Variants in ZNF700 observed in about 807,000 individuals in gnomAD.
ZNF700 encodes zinc finger protein 700.
ZNF700 carries 38 observed loss-of-function variants against 65.3 expected under a neutral mutation model. The ratio of observed to expected loss-of-function variants is 0.58; its 90% CI spans 0.45 to 0.76. ZNF700 has a LOEUF of 0.76. ZNF700 is among the 30% of genes least tolerant of loss of function. The probability of loss-of-function intolerance (pLI) is 0.00; values close to 1 mark genes in which losing one functional copy is unlikely to be tolerated. For synonymous variants in ZNF700, 285 were observed against 290.4 expected, an observed-to-expected ratio of 0.98 and a Z score of 0.19; for missense variants, 857 against 888.4, an observed-to-expected ratio of 0.96 and a Z score of 0.45.
intron 1 of ZNF700, among the ~76,000 whole-genome samples, chr19:11,936,418 T>G (rs925487576): frequency 6.6e-6 from 1 of 152,236 alleles, no homozygotes; most frequent in Non-Finnish European, 1.5e-5. Flanking sequence ...TGGTTTTGAT[T>G]TGCATTTCTC....
At position 11,950,713 on chromosome 19, in the gene ZNF700, T is replaced by G; in HGVS notation, c.*460T>G. 4.7e-6 allele frequency: 1 copy of G among 211,132 alleles called. No individual in the cohort carries two copies. Among genetic ancestry groups the G allele is most frequent in the South Asian group, 6.9e-5 (1 of 14,490 alleles). The allele number at this position is 211,132 out of a possible 1,614,324, so 13.1% of individuals were successfully genotyped here. On this transcript the variant is annotated 3_prime_UTR_variant, in exon 4 of 4. Coordinates refer to ENST00000254321, the MANE Select transcript of ZNF700 (RefSeq NM_144566.3). ...TATCATAAGTATACTAACATGTTAT[T>G]CTTTTTAAATAAGAAGGTATAATAA...
At chr19:11,933,251 CAA>C (rs371220138) in intron 1 of ZNF700, among the ~76,000 whole-genome samples, 5 of 121,186 alleles carry the variant, frequency 4.1e-5, no homozygotes, top group African/African-American at 3.4e-5. Flanking sequence ...GGCCCTGTTT[CAA>C]AAAAAAAAAA....
At chr19:11,938,737 A>G (rs1599286435) in intron 1 of ZNF700, among the ~76,000 whole-genome samples, 2 of 152,344 alleles carry the variant, frequency 1.3e-5, no homozygotes, top group East Asian at 3.9e-4. Context: ...TTGGGTATAT[A>G]CCCAGTAGTG....
chr19:11,943,829 C>A (rs1204761662), intron 1 of ZNF700, among the ~76,000 whole-genome samples: 1 of 152,194 alleles, frequency 6.6e-6, no homozygotes, highest in East Asian at 1.9e-4. Context: ...GAATAAGTCC[C>A]ATGATGAGTT....
At chr19:11,926,370 G>A (rs1972627883) in intron 1 of ZNF700, among the ~76,000 whole-genome samples, 1 of 152,062 alleles carries the variant, frequency 6.6e-6, no homozygotes, top group Non-Finnish European at 1.5e-5. Flanking sequence ...GCCAAGAGCC[G>A]GTCACTTCAC....
Position 11,933,584 on chromosome 19 carries a change from G to A in ZNF700, c.63+8311G>A, listed in dbSNP as rs148885411. On this transcript the variant is annotated intron_variant, in intron 1 of 3. Coordinates refer to ENST00000254321, the MANE Select transcript of ZNF700 (RefSeq NM_144566.3). ...CAACAAATGATAATGTTCCTGCCTCGGTTTTGCATTTTCCAGAATATTAAA... is the reference window on the plus strand; with the variant it reads ...CAACAAATGATAATGTTCCTGCCTCAGTTTTGCATTTTCCAGAATATTAAA... Among the ~76,000 whole-genome samples, 97 of 147,782 alleles carry A rather than the reference G, an allele frequency of 6.6e-4. 17 individuals are homozygous for A. Among genetic ancestry groups the A allele is most frequent in the African/African-American group, 2.3e-3 (87 of 37,662 alleles).
intron 1 of ZNF700, among the ~76,000 whole-genome samples, chr19:11,935,254 TG>T (rs1291090805): frequency 9.0e-4 from 114 of 127,290 alleles, no homozygotes; most frequent in African/African-American, 4.1e-3. Flanking sequence ...TTTTTTTTTT[TG>T]AGACTGTGTC....
chr19:11,945,930 C>T (rs985343611), intron 1 of ZNF700, among the ~76,000 whole-genome samples: 2 of 151,964 alleles, frequency 1.3e-5, no homozygotes, highest in African/African-American at 2.4e-5. Context: ...CTTGTTTTGC[C>T]GAGACTCGTG....
intron 1 of ZNF700, chr19:11,946,940 A>G (rs1462664389): frequency 1.4e-6 from 1 of 713,470 alleles, no homozygotes; most frequent in Non-Finnish European, 2.0e-6. Context: ...GTGAGCCAAT[A>G]TCACGCCATT....
At chr19:11,926,117 T>TC (rs574767022) in intron 1 of ZNF700, among the ~76,000 whole-genome samples, 105 of 152,326 alleles carry the variant, frequency 6.9e-4, no homozygotes, top group African/African-American at 2.5e-3. Flanking sequence ...CTTGATTCCA[T>TC]CCCAGCCAGA....
At chr19:11,943,287 A>G (rs1972912881) in intron 1 of ZNF700, among the ~76,000 whole-genome samples, 1 of 152,180 alleles carries the variant, frequency 6.6e-6, no homozygotes, top group South Asian at 2.1e-4. Context: ...GCAGACAGCA[A>G]TTGGTTAGGT....
chr19:11,947,156 C>T, intron 1 of ZNF700, 25 bp from the exon 2 acceptor site: 1 of 1,610,310 alleles, frequency 6.2e-7, no homozygotes, highest in East Asian at 2.2e-5. Context: ...CACCCATCTT[C>T]CTCTACACAT....
chr19:11,949,933 A>G lies in ZNF700; in HGVS notation c.1909A>G (p.Met637Val). ...CTTCAGATCTGCCTCAAACCTTCAG[A>G]TGCATGAAAGGACTCACACTGGAGA... Reference protein sequence around the residue: ...KAFRSASNLQMHERTHTGEKP... With the variant: ...KAFRSASNLQVHERTHTGEKP... Residue 637 changes from methionine to valine, a missense_variant, in exon 4 of 4, where the codon ATG becomes GTG. This residue lies in a region of ZNF700 where 251 missense variants were observed against 250.3 expected (regional missense o/e 1.00). Coordinates refer to ENST00000254321, the MANE Select transcript of ZNF700 (RefSeq NM_144566.3). The G allele has an allele frequency of 2.5e-6, 4 of 1,613,702 alleles. No homozygotes were observed. Among genetic ancestry groups the G allele is most frequent in the Non-Finnish European group, 3.4e-6 (4 of 1,179,880 alleles).
At chr19:11,939,328 A>C (rs140542243) in intron 1 of ZNF700, among the ~76,000 whole-genome samples, 1,920 of 152,254 alleles carry the variant, frequency 0.013, 23 homozygotes, top group South Asian at 0.024. Context: ...GGTATTGCCT[A>C]GGTTTTCTTC....
chr19:11,933,235 T>C (rs933553691), intron 1 of ZNF700, among the ~76,000 whole-genome samples: 9 of 143,020 alleles, frequency 6.3e-5, no homozygotes, highest in Non-Finnish European at 1.3e-4. Context: ...CTAGGCAACA[T>C]AGCAAGGCCC....
At position 11,925,145 on chromosome 19, in the gene ZNF700, G is replaced by C; in HGVS notation, c.-66G>C. On this transcript the variant is annotated 5_prime_UTR_variant, in exon 1 of 4. Coordinates refer to ENST00000254321, the MANE Select transcript of ZNF700 (RefSeq NM_144566.3). ...GCTGCGCGGGCGGCGGTTGGTAACCGGTCAGACCAGCCCGAGAGGGACCTG... is the reference window on the plus strand; with the variant it reads ...GCTGCGCGGGCGGCGGTTGGTAACCCGTCAGACCAGCCCGAGAGGGACCTG... 1 of 1,587,536 alleles carries C rather than the reference G, an allele frequency of 6.3e-7. No individual in the cohort carries two copies.
At chr19:11,939,836 C>T (rs550607771) in intron 1 of ZNF700, 1 of 152,228 alleles carries the variant, frequency 6.6e-6, no homozygotes, top group East Asian at 1.9e-4. Flanking sequence ...TTTACACGTA[C>T]ACTTGAGATA....
At chr19:11,946,305 A>C (rs760442922) in intron 1 of ZNF700, among the ~76,000 whole-genome samples, 21 of 152,080 alleles carry the variant, frequency 1.4e-4, no homozygotes, top group Non-Finnish European at 2.5e-4. Flanking sequence ...GTATCTGTCC[A>C]GAGGAGGCAC....
At position 11,949,230 on chromosome 19, in the gene ZNF700, C is replaced by G. The variant is rs772727215; in HGVS notation, c.1206C>G (p.Ser402=). 6.2e-6 allele frequency: 10 copies of G among 1,613,696 alleles called. No homozygotes were observed. The South Asian group carries it at 1.1e-4, about 18-fold the overall frequency. ...CKQCGKAFNL[S]SSFRYHERIH... The stretch of plus-strand genomic sequence containing the variant: ...AATGTGGTAAAGCCTTCAATCTTTC[C>G]AGTTCCTTTCGATATCATGAAAGGA... The change falls in exon 4 of 4, where the codon TCC becomes TCG. Residue 402 remains serine, a synonymous_variant. Transcript: ENST00000254321.
Sources: gnomAD v4.1 joint callset for allele counts (sites outside exome capture counted in the v4.1 genomes callset) on GRCh38, gnomAD v4.1.1 for gene constraint, gnomAD v4.1.1 regional missense constraint, MANE v1.5 for transcripts, NCBI Gene and HGNC (gene_info 2026-07-23, HGNC 2026-07-21) for gene names.